FKBP1B: variants seen among roughly 807,000 people sequenced by gnomAD.
The protein encoded by FKBP1B is FKBP prolyl isomerase 1B.
FKBP1B carries 4 observed loss-of-function variants against 13.5 expected under a neutral mutation model. That is an observed-to-expected ratio of 0.30 (90% CI 0.15 to 0.68). The LOEUF is 0.68. Ranked by LOEUF, FKBP1B falls within the 30% of genes least tolerant of loss-of-function variation. The pLI, the probability that FKBP1B is intolerant of heterozygous loss-of-function variation, is 0.76. For synonymous variants in FKBP1B, 54 were observed against 53.6 expected (o/e 1.01, Z -0.03); for missense variants, 93 against 136.2 (o/e 0.68, Z 1.58).
chr2:24,049,429 C>A (rs1230610326), upstream of FKBP1B: 2 of 177,460 alleles, frequency 1.1e-5, no homozygotes, highest in East Asian at 1.2e-4. Flanking sequence ...TTCTGCCCCC[C>A]ACCCCCCACA....
At chr2:24,038,458 G>A in the FKBP1B span, 21 of 1,614,160 alleles carry the variant, frequency 1.3e-5, no homozygotes, top group Non-Finnish European at 1.7e-5. Flanking sequence ...AAGATTAAAT[G>A]CTATCAGATC....
the FKBP1B span, among the ~76,000 whole-genome samples, chr2:24,041,683 T>C: frequency 2.6e-5 from 4 of 151,224 alleles, no homozygotes; most frequent in Non-Finnish European, 4.4e-5. Flanking sequence ...TGAAACCCCA[T>C]CTCTACTCAA....
At chr2:24,051,522 C>G (rs982130700) in intron 1 of FKBP1B, among the ~76,000 whole-genome samples, 4 of 152,180 alleles carry the variant, frequency 2.6e-5, no homozygotes, top group Admixed American at 6.5e-5. Flanking sequence ...CCAGCTTTCC[C>G]AAGCTGCCTG....
rs1161274794 is a variant in FKBP1B at position 24,063,048 on chromosome 2, C to T, written c.199-16C>T. On this transcript the variant is annotated splice_polypyrimidine_tract_variant and intron_variant, in intron 3 of 3. Transcript: ENST00000380986. The stretch of plus-strand genomic sequence containing the variant: ...GTCCTCTTTCTCCTCTCCCCATCTG[C>T]CCCCATCCCTGCTAGATGAGCTTGG... 6 of 1,614,060 alleles carry T rather than the reference C, an allele frequency of 3.7e-6. No homozygotes were observed. The highest frequency in any genetic ancestry group is 5.1e-6 in the Non-Finnish European group (6 of 1,180,034).
the FKBP1B span, among the ~76,000 whole-genome samples, chr2:24,043,841 C>T: frequency 2.0e-5 from 3 of 151,842 alleles, no homozygotes; most frequent in Admixed American, 6.6e-5. Context: ...TAAATTATTT[C>T]GCATATCTCC....
Position 24,049,789 on chromosome 2 carries a change from G to C in FKBP1B, c.-61G>C. 1 of 1,296,994 alleles carries C rather than the reference G, an allele frequency of 7.7e-7. No homozygotes were observed. The highest frequency in any genetic ancestry group is 9.9e-7 in the Non-Finnish European group (1 of 1,014,760). The allele number at this position is 1,296,994 out of a possible 1,614,324, so 80.3% of individuals were successfully genotyped here. ...CGGAGCGACGGCGGGGCTGGGGCCG[G>C]AGCCGAGCCGGGGTCGGGCAGCAGC... On this transcript the variant is annotated 5_prime_UTR_variant, in exon 1 of 4. Coordinates refer to ENST00000380986, the MANE Select transcript of FKBP1B (RefSeq NM_004116.5).
chr2:24,049,502 A>G (rs933192319), upstream of FKBP1B: 8 of 242,440 alleles, frequency 3.3e-5, no homozygotes, highest in East Asian at 2.1e-4. Flanking sequence ...ATAAATGTCT[A>G]TTGGACGGAT....
chr2:24,056,763 T>C (rs1032629405), intron 2 of FKBP1B, among the ~76,000 whole-genome samples: 1 of 152,068 alleles, frequency 6.6e-6, no homozygotes, highest in Non-Finnish European at 1.5e-5. Flanking sequence ...CAATCTTCAC[T>C]CCCTGCAACC....
At chr2:24,045,413 C>T (rs1452442189), upstream of FKBP1B, among the ~76,000 whole-genome samples, 5 of 150,676 alleles carry the variant, frequency 3.3e-5, no homozygotes, top group East Asian at 9.9e-4. Context: ...ACCACCCTGG[C>T]CAACATGGTG....
At chr2:24,052,056 C>T (rs1314133496) in intron 1 of FKBP1B, among the ~76,000 whole-genome samples, 4 of 152,336 alleles carry the variant, frequency 2.6e-5, no homozygotes, top group South Asian at 2.1e-4. Context: ...ACCCAAGCAT[C>T]GTTCTTGTTG....
At chr2:24,040,024 C>T in the FKBP1B span, among the ~76,000 whole-genome samples, 4 of 152,038 alleles carry the variant, frequency 2.6e-5, no homozygotes, top group African/African-American at 9.7e-5. Flanking sequence ...TGGTCTCAAA[C>T]TCCTGACCTC....
At chr2:24,035,442 A>G in the FKBP1B span, among the ~76,000 whole-genome samples, 9 of 152,178 alleles carry the variant, frequency 5.9e-5, no homozygotes, top group South Asian at 4.1e-4. Flanking sequence ...AACATAGGGT[A>G]GGAATAAGAG....
chr2:24,034,662 C>T, the FKBP1B span, among the ~76,000 whole-genome samples: 38 of 151,728 alleles, frequency 2.5e-4, 1 homozygote, highest in Non-Finnish European at 5.0e-4. Flanking sequence ...CAGCCTCAAC[C>T]TCCTCAGCTT....
upstream of FKBP1B, among the ~76,000 whole-genome samples, chr2:24,048,383 A>G (rs771652336): frequency 1.7e-4 from 26 of 151,126 alleles, no homozygotes; most frequent in Non-Finnish European, 3.2e-4. Flanking sequence ...AGGCACGAGA[A>G]TCGCTTGAAC....
At chr2:24,049,919 A>G in intron 1 of FKBP1B, 33 bp downstream of exon 1, 2 of 1,370,898 alleles carry the variant, frequency 1.5e-6, no homozygotes, top group South Asian at 1.6e-5. Flanking sequence ...AGGGGAGGGG[A>G]GGGGTCCCGG....
upstream of FKBP1B, among the ~76,000 whole-genome samples, chr2:24,044,757 T>C (rs1663557848): frequency 2.7e-5 from 4 of 148,416 alleles, no homozygotes; most frequent in South Asian, 8.4e-4. Context: ...GTCCCCTTGA[T>C]ACCAGTCTCT....
At chr2:24,057,662 C>G (rs1448203088) in intron 2 of FKBP1B, among the ~76,000 whole-genome samples, 2 of 151,674 alleles carry the variant, frequency 1.3e-5, no homozygotes, top group Non-Finnish European at 2.9e-5. Context: ...CGTGAGCCAC[C>G]GGGCCCGGCC....
intron 1 of FKBP1B, among the ~76,000 whole-genome samples, chr2:24,052,564 C>T (rs1198680341): frequency 1.3e-5 from 2 of 152,360 alleles, no homozygotes; most frequent in South Asian, 2.1e-4. Flanking sequence ...CTGAAATGGC[C>T]TGTCCCACTG....
At chr2:24,039,695 T>A in the FKBP1B span, among the ~76,000 whole-genome samples, 1 of 152,324 alleles carries the variant, frequency 6.6e-6, no homozygotes, top group African/African-American at 2.4e-5. Flanking sequence ...TGTATATACT[T>A]TGGATCTTGA....
Sources: allele counts gnomAD v4.1 joint callset (sites outside exome capture counted in the v4.1 genomes callset), GRCh38; gene constraint gnomAD v4.1.1; transcripts MANE v1.5; gene names NCBI Gene and HGNC (gene_info 2026-07-23, HGNC 2026-07-21).